Variants in SLC39A12 observed in about 807,000 individuals in gnomAD.
SLC39A12 encodes the protein solute carrier family 39 member 12.
A neutral mutation model predicts 71.1 loss-of-function variants in SLC39A12; 63 were observed. The observed-to-expected ratio is 0.89, with a 90% CI of 0.72 to 1.09. The LOEUF (loss-of-function observed/expected upper bound fraction) is 1.09. SLC39A12 is among the 50% of genes least tolerant of loss of function. The pLI, the probability that SLC39A12 is intolerant of heterozygous loss-of-function variation, is 0.00. For synonymous variants in SLC39A12, 351 were observed against 301.3 expected, an observed-to-expected ratio of 1.16 and a Z score of -1.71; for missense variants, 892 against 812.6, an observed-to-expected ratio of 1.10 and a Z score of -1.19.
chr10:17,972,443 C>G (rs948192184), intron 4 of SLC39A12, among the ~76,000 whole-genome samples: 1 of 152,156 alleles, frequency 6.6e-6, no homozygotes, highest in African/African-American at 2.4e-5. Flanking sequence ...GTTGAAGTCT[C>G]CAGCTGTTAT....
chr10:18,013,346 TTTATTA>T (rs35228459), intron 12 of SLC39A12, among the ~76,000 whole-genome samples: 62,739 of 139,338 alleles, frequency 0.45, 14,279 homozygotes, highest in Non-Finnish European at 0.51. Flanking sequence ...TCCAACTTTA[TTTATTA>T]TTATTATTAT....
At chr10:17,982,271 A>G (rs1188274575) in intron 6 of SLC39A12, among the ~76,000 whole-genome samples, 2 of 152,184 alleles carry the variant, frequency 1.3e-5, no homozygotes, top group Non-Finnish European at 2.9e-5. Flanking sequence ...AAGCCCTTGA[A>G]CTGTAAGGTT....
At chr10:17,958,474 C>G (rs473919) in intron 2 of SLC39A12, among the ~76,000 whole-genome samples, 24,606 of 152,126 alleles carry the variant, frequency 0.16, 2,610 homozygotes, top group East Asian at 0.37. Flanking sequence ...GACCTCTACT[C>G]CCATCAAATA....
At chr10:18,039,389 G>A (rs535843860) in intron 12 of SLC39A12, among the ~76,000 whole-genome samples, 67 of 152,296 alleles carry the variant, frequency 4.4e-4, no homozygotes, top group Admixed American at 8.5e-4. Flanking sequence ...TATGTTGTCT[G>A]GCTTTGGAGA....
chr10:18,041,989 C>T (rs572938966), intron 12 of SLC39A12, among the ~76,000 whole-genome samples: 1 of 151,690 alleles, frequency 6.6e-6, no homozygotes, highest in South Asian at 2.1e-4. Context: ...ATCGCTCTCT[C>T]TCTCTCCTTT....
chr10:18,011,399 T>C (rs1191073396), intron 12 of SLC39A12, among the ~76,000 whole-genome samples: 1 of 152,216 alleles, frequency 6.6e-6, no homozygotes, highest in Non-Finnish European at 1.5e-5. Flanking sequence ...CCCTTATGAC[T>C]TTCTTAATAA....
intron 8 of SLC39A12, among the ~76,000 whole-genome samples, chr10:17,992,247 T>C (rs58377250): frequency 0.11 from 16,674 of 152,174 alleles, 1,245 homozygotes; most frequent in Non-Finnish European, 0.16. Flanking sequence ...CATGATAAAA[T>C]AGATTTAATA....
chr10:17,981,104 T>C (rs918289091), intron 5 of SLC39A12, among the ~76,000 whole-genome samples: 1 of 151,996 alleles, frequency 6.6e-6, no homozygotes, highest in African/African-American at 2.4e-5. Flanking sequence ...AGAATGAAAA[T>C]GAGGTATTGC....
chr10:17,981,311 G>T lies in SLC39A12; in HGVS notation c.925-1G>T. ...AACAATGTTATGTTTTCCTCACACAGACCTGCTTCTCTGCTAGGCAGCTGG... is the reference window on the plus strand; with the variant it reads ...AACAATGTTATGTTTTCCTCACACATACCTGCTTCTCTGCTAGGCAGCTGG... On this transcript the variant is annotated splice_acceptor_variant, in intron 5 of 12. Transcript: ENST00000377369. LOFTEE classifies it high-confidence loss of function. The T allele has an allele frequency of 6.2e-7, 1 of 1,606,112 alleles. No individual in the cohort carries two copies. The highest frequency in any genetic ancestry group is 1.1e-5 in the South Asian group (1 of 89,940).
At chr10:17,977,390 TA>T (rs1011207507) in intron 4 of SLC39A12, among the ~76,000 whole-genome samples, 4 of 152,076 alleles carry the variant, frequency 2.6e-5, no homozygotes, top group African/African-American at 9.7e-5. Context: ...AGAAGATGTA[TA>T]AATCCATATA....
At chr10:17,964,380 T>C (rs980230476) in intron 3 of SLC39A12, among the ~76,000 whole-genome samples, 1 of 152,204 alleles carries the variant, frequency 6.6e-6, no homozygotes, top group African/African-American at 2.4e-5. Context: ...TTTAAAAAAA[T>C]AAGTTCAATG....
chr10:17,956,157 C>T (rs11011692), intron 2 of SLC39A12, among the ~76,000 whole-genome samples: 5,373 of 152,208 alleles, frequency 0.035, 288 homozygotes, highest in African/African-American at 0.12. Flanking sequence ...GAAAATCACA[C>T]GGACATGTGT....
chr10:18,041,639 A>ATACATATGTATATATGTGTATG (rs1837235742), intron 12 of SLC39A12, among the ~76,000 whole-genome samples: 5 of 103,058 alleles, frequency 4.9e-5, no homozygotes, highest in African/African-American at 2.0e-4. Context: ...ATGTGTATAT[A>ATACATATGTATATATGTGTATG]TATGTATATA....
At chr10:18,003,093 T>C in intron 11 of SLC39A12, 78 bp from the exon 12 acceptor site, 1 of 1,330,528 alleles carries the variant, frequency 7.5e-7, no homozygotes, top group Non-Finnish European at 1.0e-6. Context: ...ACATTCGAAA[T>C]AGCTAATAGT....
chr10:18,024,525 C>T (rs1462527314), intron 12 of SLC39A12, among the ~76,000 whole-genome samples: 2 of 152,176 alleles, frequency 1.3e-5, no homozygotes, highest in Non-Finnish European at 2.9e-5. Flanking sequence ...CTCTTCTCCA[C>T]TCTCCATGGG....
At chr10:17,987,357 T>G in intron 6 of SLC39A12, 122 bp from the exon 7 acceptor site, 1 of 820,836 alleles carries the variant, frequency 1.2e-6, no homozygotes. Context: ...AAACACTTAT[T>G]TAAAAAATCC....
chr10:17,991,061 T>G, intron 7 of SLC39A12, 90 bp from the exon 8 acceptor site: 4 of 1,235,450 alleles, frequency 3.2e-6, no homozygotes, highest in African/African-American at 3.1e-5. Flanking sequence ...ATTAAATATA[T>G]TCAACACTGG....
intron 12 of SLC39A12, chr10:18,007,314 T>A (rs1203548530): frequency 6.6e-6 from 1 of 152,190 alleles, no homozygotes; most frequent in Non-Finnish European, 1.5e-5. Flanking sequence ...CTGTGTATCC[T>A]CTAGTTGCCT....
At chr10:18,040,788 T>C (rs959666221) in intron 12 of SLC39A12, among the ~76,000 whole-genome samples, 1 of 136,954 alleles carries the variant, frequency 7.3e-6, no homozygotes, top group Non-Finnish European at 1.5e-5. Flanking sequence ...AAAAAAAAAG[T>C]GTCAAGCCAT....
Sources: gnomAD v4.1 joint callset for allele counts (sites outside exome capture counted in the v4.1 genomes callset) on GRCh38, gnomAD v4.1.1 for gene constraint, MANE v1.5 for transcripts, NCBI Gene and HGNC (gene_info 2026-07-23, HGNC 2026-07-21) for gene names.